FNDC7: variants seen among roughly 807,000 people sequenced by gnomAD.
FNDC7 encodes fibronectin type III domain-containing protein 7.
In FNDC7, 66 loss-of-function variants were observed where a neutral mutation model predicts 74.2. The ratio of observed to expected loss-of-function variants is 0.89; its 90% confidence interval spans 0.73 to 1.09. FNDC7 has a LOEUF of 1.09. Ranked by LOEUF, FNDC7 falls within the 50% of genes least tolerant of loss-of-function variation. The pLI, the probability that FNDC7 is intolerant of heterozygous loss-of-function variation, is 0.00. For synonymous variants in FNDC7, 307 were observed against 330.2 expected (o/e 0.93, Z 0.76); for missense variants, 829 against 893.4 (o/e 0.93, Z 0.92).
At chr1:108,741,586 T>C (rs1661648594) in intron 11 of FNDC7, among the ~76,000 whole-genome samples, 187 bp from the exon 12 acceptor site, 1 of 152,216 alleles carries the variant, frequency 6.6e-6, no homozygotes, top group Non-Finnish European at 1.5e-5. Context: ...ACTGCTCTGG[T>C]TAGAAACTGC....
In FNDC7 at chr1:108,741,864, G is replaced by C. The variant is rs566456089; in HGVS notation, c.*37+23G>C. 2.5e-6 allele frequency: 4 copies of C among 1,571,976 alleles called. No homozygotes were observed. In the African/African-American group the frequency reaches 5.4e-5, roughly 21 times the overall value. Reference sequence around the variant, plus strand: ...CAAGTGAGTAACGTAAATTGATTTTGTGTGATTTTATGGCAAAGTTTTTTG... The same window carrying C: ...CAAGTGAGTAACGTAAATTGATTTTCTGTGATTTTATGGCAAAGTTTTTTG... On this transcript the variant is annotated intron_variant, in intron 12 of 12. Transcript: ENST00000370017.
chr1:108,735,659 G>A (rs886893306), intron 10 of FNDC7, among the ~76,000 whole-genome samples: 2 of 152,118 alleles, frequency 1.3e-5, no homozygotes, highest in East Asian at 3.9e-4. Context: ...ATTATTAATA[G>A]ATATTTTGTA....
In FNDC7 at chr1:108,733,895, C is replaced by T. The variant is rs978254016; in HGVS notation, c.2140+363C>T. Among the ~76,000 whole-genome samples, 3 of 152,164 alleles carry T rather than the reference C, an allele frequency of 2.0e-5. No individual in the cohort carries two copies. The East Asian group carries it at 5.8e-4, about 29-fold the overall frequency. Reference sequence around the variant, plus strand: ...GAACTCCTGACCTCAGGTGATCCTCCTGCCTCAGCCTCCCAAAGTGCTGGG... The same window carrying T: ...GAACTCCTGACCTCAGGTGATCCTCTTGCCTCAGCCTCCCAAAGTGCTGGG... On this transcript the variant is annotated intron_variant, in intron 10 of 12. Coordinates refer to ENST00000370017, the MANE Select transcript of FNDC7 (RefSeq NM_001144937.3).
intron 8 of FNDC7, among the ~76,000 whole-genome samples, chr1:108,729,457 G>A (rs1661295969): frequency 6.6e-6 from 1 of 152,088 alleles, no homozygotes; most frequent in South Asian, 2.1e-4. Context: ...GCTGAGGCAG[G>A]AGAATGGCGT....
At chr1:108,718,704 T>G in intron 3 of FNDC7, 85 bp from the exon 4 acceptor site, 1 of 1,363,942 alleles carries the variant, frequency 7.3e-7, no homozygotes, top group Non-Finnish European at 1.0e-6. Context: ...TTGTATATTA[T>G]GGATATCAAT....
chr1:108,716,947 A>G (rs998806865), intron 2 of FNDC7, among the ~76,000 whole-genome samples: 2 of 152,210 alleles, frequency 1.3e-5, no homozygotes, highest in East Asian at 1.9e-4. Context: ...TTTTGCATCT[A>G]TGGAATTTTG....
Position 108,717,910 on chromosome 1 carries a change from G to A in FNDC7, c.216G>A (p.Thr72=), listed in dbSNP as rs754855969. The part of the protein sequence containing the change: ...AEDGDTVIET[T]VANSPGTVTG... ...ACGGGGACACAGTCATTGAAACCAC[G>A]GTGGCCAATTCCCCAGGCACTGTGA... Residue 72 remains threonine (T), a synonymous_variant, in exon 3 of 13, where the codon ACG becomes ACA. Transcript: ENST00000370017. The A allele has an allele frequency of 5.4e-5, 84 of 1,551,568 alleles. No homozygotes were observed. The highest frequency in any genetic ancestry group is 1.7e-4 in the Middle Eastern group (1 of 6,014).
At chr1:108,723,845 G>A (rs958361414) in intron 5 of FNDC7, among the ~76,000 whole-genome samples, 1 of 152,164 alleles carries the variant, frequency 6.6e-6, no homozygotes, top group African/African-American at 2.4e-5. Flanking sequence ...AATAGAATTT[G>A]GATATGAATA....
chr1:108,717,929 A>G lies in FNDC7; in HGVS notation c.235A>G (p.Thr79Ala), dbSNP rs1661013358. 1 of 1,551,772 alleles carries G rather than the reference A, an allele frequency of 6.4e-7. No individual in the cohort carries two copies. The highest frequency in any genetic ancestry group is 8.7e-7 in the Non-Finnish European group (1 of 1,147,006). The stretch of plus-strand genomic sequence containing the variant: ...AACCACGGTGGCCAATTCCCCAGGC[A>G]CTGTGACGGGACTAAAGGCTGCAAC... ...IETTVANSPG[T>A]VTGLKAATWY... is the part of the protein sequence containing the mutation. The change falls in exon 3 of 13, where the codon ACT becomes GCT. Residue 79 changes from threonine (T) to alanine (A), a missense_variant. Thr to Ala is a moderately conservative substitution (Grantham distance 58). Transcript: ENST00000370017.
chr1:108,713,769 T>C (rs1660920555), intron 2 of FNDC7, among the ~76,000 whole-genome samples: 1 of 152,236 alleles, frequency 6.6e-6, no homozygotes, highest in Non-Finnish European at 1.5e-5. Flanking sequence ...CTGAGGACTA[T>C]AATGTACAGA....
chr1:108,724,216 A>C (rs1661155160), intron 5 of FNDC7, among the ~76,000 whole-genome samples: 1 of 152,216 alleles, frequency 6.6e-6, no homozygotes, highest in South Asian at 2.1e-4. Context: ...AACACAGAGA[A>C]ACAGTCAATA....
intron 4 of FNDC7, 42 bp from the exon 5 acceptor site, chr1:108,722,293 G>A (rs1392916312): frequency 6.7e-7 from 1 of 1,502,830 alleles, no homozygotes; most frequent in East Asian, 2.4e-5. Context: ...TACGTAGTTT[G>A]TAAGGCTACT....
At chr1:108,733,614 A>T in intron 10 of FNDC7, 82 bp downstream of exon 10, 3 of 1,322,176 alleles carry the variant, frequency 2.3e-6, no homozygotes, top group East Asian at 2.4e-5. Context: ...CTTATTTACT[A>T]TGTATGAAGG....
chr1:108,713,082 T>C, intron 1 of FNDC7, 86 bp downstream of exon 1: 1 of 1,222,158 alleles, frequency 8.2e-7, no homozygotes, highest in Non-Finnish European at 1.2e-6. Flanking sequence ...TTTTGAGGAG[T>C]TGGGGAATAG....
intron 8 of FNDC7, 53 bp downstream of exon 8, chr1:108,728,939 T>G: frequency 6.3e-7 from 1 of 1,588,446 alleles, no homozygotes; most frequent in Non-Finnish European, 8.6e-7. Context: ...CCTTATGGAG[T>G]GTTTCAAGAC....
chr1:108,718,091 C>G, intron 3 of FNDC7, 60 bp downstream of exon 3: 1 of 1,532,006 alleles, frequency 6.5e-7, no homozygotes, highest in South Asian at 1.2e-5. Context: ...ATCAGTTATC[C>G]TGGTGCTGCA....
chr1:108,722,572 C>T lies in FNDC7; in HGVS notation c.836C>T (p.Ser279Leu), dbSNP rs1661117785. Residue 279 changes from serine to leucine, a missense_variant, in exon 5 of 13, where the codon TCA becomes TTA. Coordinates refer to ENST00000370017, the MANE Select transcript of FNDC7 (RefSeq NM_001144937.3). ...SNDAGSSKSS[S>L]AMTLKTVACA... ...GATGCTGGATCTAGCAAATCATCTTCAGCAATGACCCTGAAAACTGGTATG... is the reference window on the plus strand; with the variant it reads ...GATGCTGGATCTAGCAAATCATCTTTAGCAATGACCCTGAAAACTGGTATG... The T allele has an allele frequency of 6.2e-7, 1 of 1,613,384 alleles. No homozygotes were observed. The highest frequency in any genetic ancestry group is 1.3e-5 in the African/African-American group (1 of 74,946).
At chr1:108,737,279 T>A (rs1570736841) in intron 10 of FNDC7, among the ~76,000 whole-genome samples, 1 of 152,156 alleles carries the variant, frequency 6.6e-6, no homozygotes, top group Admixed American at 6.5e-5. Flanking sequence ...CTGAGCTTGG[T>A]ATGCTTATTC....
At chr1:108,713,635 A>T in intron 2 of FNDC7, 106 bp downstream of exon 2, 2 of 1,044,210 alleles carry the variant, frequency 1.9e-6, no homozygotes, top group Non-Finnish European at 2.8e-6. Context: ...AGAAAAAAAA[A>T]TTCAATATTT....
Sources: gnomAD v4.1 joint callset for allele counts (sites outside exome capture counted in the v4.1 genomes callset) on GRCh38, gnomAD v4.1.1 for gene constraint, MANE v1.5 for transcripts, NCBI Gene and HGNC (gene_info 2026-07-23, HGNC 2026-07-21) for gene names.